IL9R: variants seen among roughly 807,000 people sequenced by gnomAD.
IL9R encodes interleukin 9 receptor.
Under a neutral mutation model 56.3 loss-of-function variants are expected in IL9R, and 54 were observed. That is an observed-to-expected ratio of 0.96 (90% CI 0.77 to 1.20). The LOEUF is 1.20. Among genes scored for constraint, IL9R ranks in the 50% most tolerant of loss-of-function variants. IL9R has a pLI of 0.00. For synonymous variants in IL9R, 212 were observed against 250.2 expected (o/e 0.85, Z 1.44); for missense variants, 545 against 629.8 (o/e 0.87, Z 1.44).
intron 1 of IL9R, among the ~76,000 whole-genome samples, chrX:156,002,094 C>G (rs1039407816): frequency 2.6e-5 from 4 of 151,836 alleles, no homozygotes; most frequent in African/African-American, 9.7e-5. Flanking sequence ...GTAATCCCAA[C>G]ACTTTGGGAG....
rs751143223 is a variant in IL9R, at chrX:156,004,582, C to T, written c.579+17C>T. The T allele has an allele frequency of 8.6e-4, 1,387 of 1,611,898 alleles. 11 individuals carry two copies. In the South Asian group the frequency reaches 0.014, roughly 17 times the overall value. On this transcript the variant is annotated intron_variant, in intron 5 of 8. Coordinates refer to ENST00000244174, the MANE Select transcript of IL9R (RefSeq NM_002186.3). ...GCCTGGGAGGTAACACTTTGGCTGG[C>T]TTTCCCTGGGGGCCTCTCTCCTGGG... is the stretch of plus-strand genomic sequence containing the variant.
At position 156,003,546 on chromosome X, in the gene IL9R, GCTC is replaced by G; in HGVS notation, c.244_246del (p.Leu82del). ...AGCTGGGACAGGGCTCCAGCCCCTGGCTCCTCTTCACCAGGTGAGCATGGAGGG... is the reference window on the plus strand; with the variant it reads ...AGCTGGGACAGGGCTCCAGCCCCTGGCTCTTCACCAGGTGAGCATGGAGGG... On this transcript the variant is annotated inframe_deletion, in exon 3 of 9. Coordinates refer to ENST00000244174, the MANE Select transcript of IL9R (RefSeq NM_002186.3). 1 of 1,612,994 alleles carries G rather than the reference GCTC, an allele frequency of 6.2e-7. No individual in the cohort carries two copies.
chrX:156,004,033 T>C (rs1302702120), intron 4 of IL9R, among the ~76,000 whole-genome samples, 178 bp downstream of exon 4: 4 of 152,052 alleles, frequency 2.6e-5, no homozygotes, highest in African/African-American at 9.7e-5. Context: ...GCCCATATGG[T>C]TACTGCAGGG....
chrX:156,005,154 CTG>C (rs2067833185), intron 5 of IL9R, 122 bp from the exon 6 acceptor site: 1 of 739,726 alleles, frequency 1.4e-6, no homozygotes, highest in Non-Finnish European at 2.4e-6. Flanking sequence ...GTGAGTGTGT[CTG>C]TGTGTTAACA....
At chrX:155,997,875 C>T (rs2067248037) in intron 1 of IL9R, 88 bp downstream of exon 1, 2 of 1,251,394 alleles carry the variant, frequency 1.6e-6, no homozygotes, top group Non-Finnish European at 2.3e-6. Flanking sequence ...CAACTCGGGG[C>T]CCAGGGAGCC....
At chrX:156,009,248 G>GTGTGTGTGTGTGTA (rs1569479052) in intron 8 of IL9R, among the ~76,000 whole-genome samples, 92 of 94,926 alleles carry the variant, frequency 9.7e-4, no homozygotes, top group East Asian at 8.8e-3. Context: ...TGTGGTGTGT[G>GTGTGTGTGTGTGTA]TGTCTGTGTG....
intron 1 of IL9R, among the ~76,000 whole-genome samples, chrX:155,998,646 C>T (rs183372393): frequency 3.9e-5 from 6 of 152,168 alleles, no homozygotes; most frequent in Admixed American, 3.9e-4. Flanking sequence ...CTTCAAGTAG[C>T]ATCCCAGAGC....
chrX:156,000,830 C>A (rs1274961469), intron 1 of IL9R, among the ~76,000 whole-genome samples: 3 of 152,162 alleles, frequency 2.0e-5, no homozygotes, highest in Non-Finnish European at 4.4e-5. Context: ...CTCGCAGGCA[C>A]TGCCCTCGGG....
Position 156,007,764 on chromosome X carries a change from C to T in IL9R, c.972+157C>T, listed in dbSNP as rs765303684. The T allele has an allele frequency of 5.6e-5, 39 of 700,314 alleles. 1 individual carries two copies. Among genetic ancestry groups the T allele is most frequent in the African/African-American group, 2.3e-4 (10 of 43,840 alleles). The allele number at this position is 700,314 out of a possible 1,614,324, so 43.4% of individuals were successfully genotyped here. ...TATATTCAGTGAATTTCAATTTATA[C>T]GCGTATCTCAAATGGGGAAAAATTA... is the stretch of plus-strand genomic sequence containing the variant. On this transcript the variant is annotated intron_variant, in intron 8 of 8. Coordinates refer to ENST00000244174, the MANE Select transcript of IL9R (RefSeq NM_002186.3).
chrX:156,003,839 C>A lies in IL9R; in HGVS notation c.417C>A (p.Tyr139Ter), dbSNP rs1254326930. 125 of 1,613,918 alleles carry A rather than the reference C, an allele frequency of 7.7e-5. No individual in the cohort carries two copies. In the Middle Eastern group the frequency reaches 8.3e-4, roughly 11 times the overall value. ...AGGTCAGCCTGGTGGACCCGGAGTA[C>A]CTGCCCCGGAGACACGGTGAGCAGC... ...REQVSLVDPEYLPRRHVKLDP... is the reference protein window; with the variant it reads ...REQVSLVDPE The change falls in exon 4 of 9, where the codon TAC becomes TAA. Residue 139 changes from tyrosine to a stop codon, truncating the protein, a stop_gained. Transcript: ENST00000244174. LOFTEE classifies it high-confidence loss of function.
At chrX:156,002,791 C>A in intron 1 of IL9R, 115 bp from the exon 2 acceptor site, 1 of 1,408,194 alleles carries the variant, frequency 7.1e-7, no homozygotes. Context: ...GGACACAGGA[C>A]ACTGTGTGAG....
chrX:156,001,661 T>A (rs1304632810), intron 1 of IL9R, among the ~76,000 whole-genome samples: 1 of 5,878 alleles, frequency 1.7e-4, no homozygotes, highest in Admixed American at 2.5e-3. Flanking sequence ...GCGTGTCTGG[T>A]TTTTTCCTCC....
At chrX:156,003,391 C>G in intron 2 of IL9R, 58 bp from the exon 3 acceptor site, 1 of 1,224,516 alleles carries the variant, frequency 8.2e-7, no homozygotes, top group Non-Finnish European at 1.2e-6. Flanking sequence ...CCCCAACCCC[C>G]GAGCTCAGCT....
rs764121813 is a variant in IL9R at position 156,005,378 on chromosome X, A to G, written c.680A>G (p.Gln227Arg). The part of the protein sequence containing the change: ...GFIHEARLRV[Q>R]MATLEDDVVE... ...ATCCATGAGGCCAGGCTGCGTGTCC[A>G]GATGGCCACACTGGAGGATGATGTG... Residue 227 changes from glutamine to arginine, a missense_variant, in exon 6 of 9, where the codon CAG (glutamine) becomes CGG (arginine). By Grantham distance (43) the Gln-to-Arg change is conservative (BLOSUM62 1). Around this residue, in one of 2 missense-constraint regions of IL9R, gnomAD observed 431 missense variants for 360.0 expected, o/e 1.20. Coordinates refer to ENST00000244174, the MANE Select transcript of IL9R (RefSeq NM_002186.3). 19 of 1,612,862 alleles carry G rather than the reference A, an allele frequency of 1.2e-5. No individual in the cohort carries two copies. Among genetic ancestry groups the G allele is most frequent in the Non-Finnish European group, 1.5e-5 (18 of 1,179,812 alleles).
At chrX:156,006,823 TTA>T (rs1319770478) in intron 7 of IL9R, among the ~76,000 whole-genome samples, 52 of 150,556 alleles carry the variant, frequency 3.5e-4, no homozygotes, top group Non-Finnish European at 2.5e-4. Context: ...ACAACCTAGT[TTA>T]TGTTTTGAGG....
At chrX:156,000,353 A>G (rs2067435475) in intron 1 of IL9R, among the ~76,000 whole-genome samples, 2 of 152,198 alleles carry the variant, frequency 1.3e-5, no homozygotes, top group African/African-American at 4.8e-5. Flanking sequence ...CCACAGCTTC[A>G]CAGTGGCCCA....
intron 5 of IL9R, 22 bp from the exon 6 acceptor site, chrX:156,005,256 C>T: frequency 6.2e-7 from 1 of 1,609,468 alleles, no homozygotes; most frequent in Non-Finnish European, 8.5e-7. Context: ...TCACCACCTG[C>T]TAACTGTCCC....
chrX:155,999,078 T>A (rs1186039883), intron 1 of IL9R, among the ~76,000 whole-genome samples: 1 of 151,648 alleles, frequency 6.6e-6, no homozygotes, highest in African/African-American at 2.4e-5. Flanking sequence ...GGCTCAGGGG[T>A]TCCGTCCAGC....
intron 1 of IL9R, among the ~76,000 whole-genome samples, chrX:155,998,309 G>T (rs1197187822): frequency 3.3e-5 from 5 of 151,984 alleles, no homozygotes; most frequent in African/African-American, 1.2e-4. Flanking sequence ...GCAGGTGAGG[G>T]TGGGATTCCA....
Sources: allele counts gnomAD v4.1 joint callset (sites outside exome capture counted in the v4.1 genomes callset), GRCh38; gene constraint gnomAD v4.1.1; regional missense constraint gnomAD v4.1.1; transcripts MANE v1.5; gene names NCBI Gene and HGNC (gene_info 2026-07-23, HGNC 2026-07-21).